Variants in HP1BP3 observed in about 807,000 individuals in gnomAD.
HP1BP3 encodes heterochromatin protein 1 binding protein 3.
In HP1BP3, 12 loss-of-function variants were observed where a neutral mutation model predicts 62.5. The observed-to-expected ratio is 0.19, with a 90% confidence interval of 0.12 to 0.31. The LOEUF (loss-of-function observed/expected upper bound fraction) is 0.31. Ranked by LOEUF, HP1BP3 falls within the 10% of genes least tolerant of loss-of-function variation. The probability of loss-of-function intolerance (pLI) is 1.00; values close to 1 mark genes in which losing one functional copy is unlikely to be tolerated. For synonymous variants in HP1BP3, 260 were observed against 237.8 expected (o/e 1.09, Z -0.86); for missense variants, 502 against 651.8 (o/e 0.77, Z 2.50).
At chr1:20,772,524 G>C (rs1044006196) in intron 5 of HP1BP3, among the ~76,000 whole-genome samples, 1 of 152,240 alleles carries the variant, frequency 6.6e-6, no homozygotes, top group African/African-American at 2.4e-5. Flanking sequence ...AGCATAAGAA[G>C]TCTTGAAGGA....
intron 10 of HP1BP3, among the ~76,000 whole-genome samples, chr1:20,748,528 C>T (rs1012712726): frequency 2.0e-5 from 3 of 152,150 alleles, no homozygotes; most frequent in African/African-American, 4.8e-5. Context: ...CGGCAGATCA[C>T]GAGGTAAGGA....
intron 5 of HP1BP3, among the ~76,000 whole-genome samples, chr1:20,771,821 T>G (rs1443434609): frequency 1.3e-5 from 2 of 152,232 alleles, no homozygotes; most frequent in African/African-American, 2.4e-5. Flanking sequence ...CATCTGTCAT[T>G]TATCTAATGA....
chr1:20,755,355 T>C (rs2056037845), intron 9 of HP1BP3: 1 of 453,904 alleles, frequency 2.2e-6, no homozygotes, highest in African/African-American at 2.0e-5. Flanking sequence ...ACTACTTCAC[T>C]GAACCCAGGA....
intron 6 of HP1BP3, among the ~76,000 whole-genome samples, chr1:20,768,499 T>C (rs1343381756): frequency 6.6e-6 from 1 of 152,170 alleles, no homozygotes; most frequent in Non-Finnish European, 1.5e-5. Context: ...TGTTAAGTTT[T>C]ACCACATATT....
intron 11 of HP1BP3, among the ~76,000 whole-genome samples, 163 bp downstream of exon 11, chr1:20,747,381 C>T (rs190061971): frequency 4.0e-4 from 61 of 152,178 alleles, no homozygotes; most frequent in Admixed American, 2.3e-3. Flanking sequence ...TGAGTACATG[C>T]GCATTTGGGT....
At chr1:20,770,650 T>G (rs2057016155) in intron 6 of HP1BP3, among the ~76,000 whole-genome samples, 1 of 152,126 alleles carries the variant, frequency 6.6e-6, no homozygotes, top group Non-Finnish European at 1.5e-5. Context: ...ATTCCTTACC[T>G]CTTTTTCATG....
In HP1BP3 at chr1:20,743,322, G is replaced by C. The variant is rs79013483; in HGVS notation, c.*1475C>G. 1 of 152,606 alleles carries C rather than the reference G, an allele frequency of 6.6e-6. No homozygotes were observed. Among genetic ancestry groups the C allele is most frequent in the South Asian group, 2.1e-4 (1 of 4,820 alleles). 9.5% of individuals were successfully genotyped at this position (152,606 alleles called of 1,614,324 possible). A position where few individuals can be genotyped will look rare whatever the true frequency, so the allele number is the denominator to read the frequency against. Reference sequence around the variant, plus strand: ...TCCTTATAAAAAAGGCAAACAAGAAGTGACAACTCATGCTCCAAATATTAA... The same window carrying C: ...TCCTTATAAAAAAGGCAAACAAGAACTGACAACTCATGCTCCAAATATTAA... On this transcript the variant is annotated 3_prime_UTR_variant, in exon 13 of 13. Coordinates refer to ENST00000438032, the MANE Select transcript of HP1BP3 (RefSeq NM_001372052.1).
intron 8 of HP1BP3, among the ~76,000 whole-genome samples, chr1:20,759,901 T>G (rs1337657744): frequency 7.9e-6 from 1 of 125,868 alleles, no homozygotes; most frequent in Non-Finnish European, 1.8e-5. Flanking sequence ...TTTTTTTTTT[T>G]GCCCCGAGAC....
At chr1:20,764,222 CAG>C (rs2056643584) in intron 8 of HP1BP3, among the ~76,000 whole-genome samples, 1 of 151,960 alleles carries the variant, frequency 6.6e-6, no homozygotes, top group African/African-American at 2.4e-5. Flanking sequence ...CTTTTTTTCA[CAG>C]ACTTTTCAAA....
intron 10 of HP1BP3, among the ~76,000 whole-genome samples, chr1:20,748,729 C>T (rs2055509777): frequency 6.6e-6 from 1 of 151,890 alleles, no homozygotes; most frequent in Non-Finnish European, 1.5e-5. Flanking sequence ...ACCACTGCGC[C>T]CCCCAGCCTG....
chr1:20,772,506 G>C (rs1415658545), intron 5 of HP1BP3, among the ~76,000 whole-genome samples: 7 of 152,204 alleles, frequency 4.6e-5, no homozygotes, highest in African/African-American at 1.7e-4. Flanking sequence ...TTTTCTTAAT[G>C]AGGTGAGAGC....
At chr1:20,749,949 T>G in intron 9 of HP1BP3, 67 bp from the exon 10 acceptor site, 3 of 1,555,940 alleles carry the variant, frequency 1.9e-6, no homozygotes, top group Non-Finnish European at 2.6e-6. Flanking sequence ...AAGACAAGAC[T>G]CCTCTGCACC....
chr1:20,764,179 CT>C (rs201144411), intron 8 of HP1BP3, among the ~76,000 whole-genome samples: 11 of 152,022 alleles, frequency 7.2e-5, no homozygotes, highest in African/African-American at 9.7e-5. Flanking sequence ...ATTTTCTACA[CT>C]TTTTTTTCTT....
At chr1:20,767,335 T>A (rs770079067) in intron 7 of HP1BP3, among the ~76,000 whole-genome samples, 2 of 152,142 alleles carry the variant, frequency 1.3e-5, no homozygotes, top group Non-Finnish European at 1.5e-5. Context: ...AACAGTGTAA[T>A]TTATATAGCT....
At chr1:20,768,322 T>C (rs2056887618) in intron 6 of HP1BP3, among the ~76,000 whole-genome samples, 1 of 152,042 alleles carries the variant, frequency 6.6e-6, no homozygotes, top group Admixed American at 6.6e-5. Flanking sequence ...GGCGGGTGCC[T>C]GTAGTCCCAG....
chr1:20,785,160 C>T (rs1256537972), intron 1 of HP1BP3, among the ~76,000 whole-genome samples: 1 of 152,192 alleles, frequency 6.6e-6, no homozygotes, highest in Non-Finnish European at 1.5e-5. Flanking sequence ...CGATCCTCCT[C>T]TTTGGCCTCC....
rs750192662 is a variant in HP1BP3, at chr1:20,744,933, G to C, written c.1526C>G (p.Thr509Ser). The C allele has an allele frequency of 6.2e-7, 1 of 1,614,160 alleles. No individual in the cohort carries two copies. Among genetic ancestry groups the C allele is most frequent in the Non-Finnish European group, 8.5e-7 (1 of 1,180,030 alleles). ...PPKAKTPAKK[T>S]RPSSTVIKKP... ...CTTGATGACTGTGGATGAGGGTCTG[G>C]TCTTCTTGGCAGGCGTTTTGGCCTT... is the stretch of plus-strand genomic sequence containing the variant. Residue 509 changes from threonine (T) to serine (S), a missense_variant, in exon 13 of 13, where the codon ACC (threonine) becomes AGC (serine). Thr to Ser is a moderately conservative substitution (Grantham distance 58). Around this residue, in one of 5 missense-constraint regions of HP1BP3, gnomAD observed 194 missense variants for 207.0 expected, o/e 0.94. Transcript: ENST00000438032.
chr1:20,750,621 A>G (rs2154539745), intron 9 of HP1BP3, among the ~76,000 whole-genome samples: 1 of 151,602 alleles, frequency 6.6e-6, no homozygotes, highest in South Asian at 2.1e-4. Flanking sequence ...AGTATAGCTG[A>G]CCCTTGAACA....
intron 8 of HP1BP3, among the ~76,000 whole-genome samples, chr1:20,763,926 C>CTG (rs1391525829): frequency 2.0e-5 from 3 of 152,048 alleles, no homozygotes; most frequent in Non-Finnish European, 4.4e-5. Flanking sequence ...TTTTTTGAGA[C>CTG]TGAGTCTCAC....
Sources: allele counts gnomAD v4.1 joint callset (sites outside exome capture counted in the v4.1 genomes callset), GRCh38; gene constraint gnomAD v4.1.1; regional missense constraint gnomAD v4.1.1; transcripts MANE v1.5; gene names NCBI Gene and HGNC (gene_info 2026-07-23, HGNC 2026-07-21).